B4GALT1: variants seen among roughly 807,000 people sequenced by gnomAD.
The protein encoded by B4GALT1 is N-acetyllactosamine synthase.
A neutral mutation model predicts 34.9 loss-of-function variants in B4GALT1; 16 were observed. The ratio of observed to expected loss-of-function variants is 0.46; its 90% CI spans 0.31 to 0.70. The LOEUF is 0.70. Ranked by LOEUF, B4GALT1 falls within the 30% of genes least tolerant of loss-of-function variation. B4GALT1 has a pLI of 0.05. For synonymous variants in B4GALT1, 221 were observed against 218.1 expected, an observed-to-expected ratio of 1.01 and a Z score of -0.12; for missense variants, 445 against 530.5, an observed-to-expected ratio of 0.84 and a Z score of 1.58.
At chr9:33,155,705 T>C (rs1840585392) in intron 1 of B4GALT1, among the ~76,000 whole-genome samples, 1 of 152,206 alleles carries the variant, frequency 6.6e-6, no homozygotes, top group Non-Finnish European at 1.5e-5. Flanking sequence ...TCCTCTTCTT[T>C]CTCTTGACTC....
upstream of B4GALT1, among the ~76,000 whole-genome samples, chr9:33,170,266 G>A (rs369833851): frequency 6.6e-5 from 10 of 152,096 alleles, no homozygotes; most frequent in East Asian, 7.7e-4. Flanking sequence ...CACCGTGCCC[G>A]GCCGATATTT....
chr9:33,147,469 A>T lies in B4GALT1; in HGVS notation c.413-12045T>A, dbSNP rs943641407. Among the ~76,000 whole-genome samples the T allele has an allele frequency of 7.0e-4, 106 of 152,058 alleles. No individual in the cohort carries two copies. In the Middle Eastern group the frequency reaches 0.01, roughly 15 times the overall value. On this transcript the variant is annotated intron_variant, in intron 1 of 5. Coordinates refer to ENST00000379731, the MANE Select transcript of B4GALT1 (RefSeq NM_001497.4). ...ACCGTGTTGGCCGGGCTGGTCTTGA[A>T]CTTCTGACCTCGGGTGATCTGCCCA...
intron 3 of B4GALT1, among the ~76,000 whole-genome samples, chr9:33,118,290 T>C (rs545993032): frequency 1.1e-4 from 17 of 152,314 alleles, no homozygotes; most frequent in African/African-American, 4.1e-4. Flanking sequence ...CATTCCTATA[T>C]TCCCATCACA....
chr9:33,178,175 A>G, the B4GALT1 span, among the ~76,000 whole-genome samples: 1 of 151,814 alleles, frequency 6.6e-6, no homozygotes, highest in Admixed American at 6.6e-5. Context: ...TATTTTTAGT[A>G]GATATGGGGT....
rs1840635702 is a variant in B4GALT1, at chr9:33,158,869, T to C, written c.412+7889A>G. Among the ~76,000 whole-genome samples the C allele has an allele frequency of 2.0e-5, 3 of 152,180 alleles. No homozygotes were observed. The South Asian group carries it at 6.2e-4, about 31-fold the overall frequency. ...TGTCTATCTCTCACACTTCATATAGTGTAGTTACCAATAAAAGTTTGCTGA... is the reference window on the plus strand; with the variant it reads ...TGTCTATCTCTCACACTTCATATAGCGTAGTTACCAATAAAAGTTTGCTGA... On this transcript the variant is annotated intron_variant, in intron 1 of 5. Coordinates refer to ENST00000379731, the MANE Select transcript of B4GALT1 (RefSeq NM_001497.4).
At chr9:33,154,871 TG>T (rs1327299523) in intron 1 of B4GALT1, among the ~76,000 whole-genome samples, 2 of 151,960 alleles carry the variant, frequency 1.3e-5, no homozygotes, top group Admixed American at 6.6e-5. Context: ...CTATAATTAG[TG>T]TATTTTATAT....
At chr9:33,178,782 G>T in the B4GALT1 span, 1 of 152,240 alleles carries the variant, frequency 6.6e-6, no homozygotes, top group Non-Finnish European at 1.5e-5. Context: ...TCTTAAAATT[G>T]TTGGAATATC....
At chr9:33,144,201 C>A (rs892462173) in intron 1 of B4GALT1, among the ~76,000 whole-genome samples, 1 of 150,806 alleles carries the variant, frequency 6.6e-6, no homozygotes, top group Non-Finnish European at 1.5e-5. Flanking sequence ...TACCTTTTCA[C>A]TCTTCCTCTT....
chr9:33,104,445 A>G, exon 3 of B4GALT1: 1 of 192,068 alleles, frequency 5.2e-6, no homozygotes, highest in South Asian at 7.9e-5. Context: ...CCAGGCTTCA[A>G]CTTCTCCACC....
chr9:33,152,714 A>G (rs1267326733), intron 1 of B4GALT1, among the ~76,000 whole-genome samples: 1 of 152,080 alleles, frequency 6.6e-6, no homozygotes, highest in Non-Finnish European at 1.5e-5. Context: ...TCTCTGCTAA[A>G]AATACAAATA....
rs1307376164 is a variant in B4GALT1, at chr9:33,135,211, T to C, written c.626A>G (p.Tyr209Cys). 1.9e-6 allele frequency: 3 copies of C among 1,614,072 alleles called. No homozygotes were observed. The highest frequency in any genetic ancestry group is 2.5e-6 in the Non-Finnish European group (3 of 1,179,958). Residue 209 changes from tyrosine (Y) to cysteine (C), a missense_variant, in exon 2 of 6, where the codon TAT becomes TGT. Tyr to Cys is a radical substitution (Grantham distance 194, BLOSUM62 -2). Transcript: ENST00000379731. ...CACCTGGTTGATAACATAGATGCCA[T>C]AGTCCAGCTGCTGGCGCTGCAGGAC... ...HPVLQRQQLD[Y>C]GIYVINQAGD... is the part of the protein sequence containing the mutation.
At chr9:33,107,114 C>T (rs1214556437), downstream of B4GALT1, among the ~76,000 whole-genome samples, 3 of 152,190 alleles carry the variant, frequency 2.0e-5, no homozygotes, top group Non-Finnish European at 2.9e-5. Context: ...ACCTCCTCTG[C>T]ACCTGGGGTT....
At chr9:33,104,743 G>C (rs1347184305) in exon 3 of B4GALT1, 1 of 455,902 alleles carries the variant, frequency 2.2e-6, no homozygotes, top group South Asian at 1.5e-5. Flanking sequence ...AACAGACCAG[G>C]CGAAGCCTTC....
upstream of B4GALT1, among the ~76,000 whole-genome samples, chr9:33,167,778 A>G (rs1483781789): frequency 1.3e-5 from 2 of 152,184 alleles, no homozygotes. Flanking sequence ...CGTTCTGGCC[A>G]GTGGGCCTTG....
At chr9:33,127,862 T>A (rs1321309400) in intron 2 of B4GALT1, among the ~76,000 whole-genome samples, 2 of 152,258 alleles carry the variant, frequency 1.3e-5, no homozygotes, top group African/African-American at 4.8e-5. Flanking sequence ...AGACCCTGTA[T>A]GACGGGCTGG....
chr9:33,159,633 G>T (rs1394873298), intron 1 of B4GALT1, among the ~76,000 whole-genome samples: 1 of 152,238 alleles, frequency 6.6e-6, no homozygotes, highest in Non-Finnish European at 1.5e-5. Flanking sequence ...CCCTAAGAGA[G>T]CTTCTCCCTA....
chr9:33,119,362 T>C (rs1399428566), intron 3 of B4GALT1, among the ~76,000 whole-genome samples: 2 of 152,082 alleles, frequency 1.3e-5, no homozygotes, highest in Non-Finnish European at 2.9e-5. Context: ...GGTGGAAAAA[T>C]TTGGGCTTTG....
rs777982129 is a variant in B4GALT1 at position 33,167,023 on chromosome 9, G to A, written c.147C>T (p.Arg49=). 2.5e-6 allele frequency: 4 copies of A among 1,598,576 alleles called. No individual in the cohort carries two copies. The highest frequency in any genetic ancestry group is 1.1e-5 in the South Asian group (1 of 90,422). Residue 49 remains arginine, a synonymous_variant, in exon 1 of 6, where the codon CGC becomes CGT. Transcript: ENST00000379731. ...TGGAGACTCCGACCAGTTGGGGCAG[G>A]CGGCTCAGGTCGCGGCCAGCCAGGT... ...VYYLAGRDLS[R]LPQLVGVSTP...
chr9:33,171,961 A>G (rs1468761470), upstream of B4GALT1, among the ~76,000 whole-genome samples: 1 of 152,164 alleles, frequency 6.6e-6, no homozygotes, highest in Non-Finnish European at 1.5e-5. Context: ...CACAGGTAAA[A>G]TACATTAGTG....
Sources: allele counts gnomAD v4.1 joint callset (sites outside exome capture counted in the v4.1 genomes callset), GRCh38; gene constraint gnomAD v4.1.1; transcripts MANE v1.5; gene names NCBI Gene and HGNC (gene_info 2026-07-23, HGNC 2026-07-21).